Variants in BSND observed in about 807,000 individuals in gnomAD.
BSND encodes the protein barttin.
BSND carries 13 observed loss-of-function variants against 18.8 expected under a neutral mutation model. The observed-to-expected ratio is 0.69, with a 90% CI of 0.45 to 1.10. The LOEUF is 1.10. Among genes scored for constraint, BSND ranks in the 50% least tolerant of loss-of-function variants. The pLI is 0.00. For synonymous variants in BSND, 170 were observed against 161.8 expected (o/e 1.05, Z -0.39); for missense variants, 379 against 416.7 (o/e 0.91, Z 0.79).
At position 55,008,343 on chromosome 1, in the gene BSND, G is replaced by A; in HGVS notation, c.678G>A (p.Gln226=). The change falls in exon 4 of 4, where the codon CAG becomes CAA. Residue 226 remains glutamine (Q), a synonymous_variant. Coordinates refer to ENST00000651561, the MANE Select transcript of BSND (RefSeq NM_057176.3). Reference sequence around the variant, plus strand: ...GGGAGGAAGCTTGTTCCCCACAACAGGAACCTCAGGGCTGCAGGTGCCCGC... The same window carrying A: ...GGGAGGAAGCTTGTTCCCCACAACAAGAACCTCAGGGCTGCAGGTGCCCGC... ...HDREEACSPQ[Q]EPQGCRCPLD... 3.7e-6 allele frequency: 6 copies of A among 1,614,224 alleles called. No individual in the cohort carries two copies. Among genetic ancestry groups the A allele is most frequent in the Non-Finnish European group, 5.1e-6 (6 of 1,180,032 alleles).
At chr1:55,000,774 G>C (rs962644650) in intron 1 of BSND, among the ~76,000 whole-genome samples, 1 of 152,234 alleles carries the variant, frequency 6.6e-6, no homozygotes, top group Non-Finnish European at 1.5e-5. Flanking sequence ...AGGTCACTGG[G>C]AGAAGTCCTT....
At position 54,999,289 on chromosome 1, in the gene BSND, G is replaced by A. The variant is rs982775621; in HGVS notation, c.103G>A (p.Gly35Ser). The A allele has an allele frequency of 3.7e-6, 6 of 1,614,128 alleles. No homozygotes were observed. Among genetic ancestry groups the A allele is most frequent in the Admixed American group, 1.7e-5 (1 of 60,030 alleles). Residue 35 changes from glycine to serine, a missense_variant, in exon 1 of 4, where the codon GGC (glycine) becomes AGC (serine). By Grantham distance (56) the Gly-to-Ser change is moderately conservative. Coordinates refer to ENST00000651561, the MANE Select transcript of BSND (RefSeq NM_057176.3). ...GAGCCATGATCGGCCCCAGGTCTAC[G>A]GCACCTTCTATGCCATGGGCAGCGT... Reference protein sequence around the residue: ...LMSHDRPQVYGTFYAMGSVMV... With the variant: ...LMSHDRPQVYSTFYAMGSVMV...
Position 55,008,974 on chromosome 1 carries a change from G to C in BSND, c.*346G>C. 1 of 392,410 alleles carries C rather than the reference G, an allele frequency of 2.5e-6. No homozygotes were observed. Among genetic ancestry groups the C allele is most frequent in the Non-Finnish European group, 4.8e-6 (1 of 207,840 alleles). 24.3% of individuals were successfully genotyped at this position (392,410 alleles called of 1,614,324 possible). On this transcript the variant is annotated 3_prime_UTR_variant, in exon 4 of 4. Transcript: ENST00000651561. Reference sequence around the variant, plus strand: ...TCTGGGCCCCTGATCCTTTGTGAAGGCCAGTCAGGTTTCCCATTCCTATTG... The same window carrying C: ...TCTGGGCCCCTGATCCTTTGTGAAGCCCAGTCAGGTTTCCCATTCCTATTG...
intron 1 of BSND, 106 bp downstream of exon 1, chr1:54,999,469 ATTC>A: frequency 8.3e-7 from 1 of 1,210,764 alleles, no homozygotes; most frequent in Non-Finnish European, 1.1e-6. Context: ...TTGTCTTTTC[ATTC>A]TTCTCATTTT....
intron 1 of BSND, among the ~76,000 whole-genome samples, chr1:55,004,179 C>T (rs1644377395): frequency 6.6e-6 from 1 of 152,218 alleles, no homozygotes; most frequent in African/African-American, 2.4e-5. Context: ...ATCCTTAAGG[C>T]TGAATAGTAT....
intron 3 of BSND, among the ~76,000 whole-genome samples, 182 bp downstream of exon 3, chr1:55,007,454 G>T (rs375605563): frequency 2.0e-5 from 3 of 152,134 alleles, no homozygotes; most frequent in African/African-American, 7.2e-5. Context: ...TGGGAGTCAG[G>T]CCTCAGTTCA....
rs1312723025 is a variant in BSND at position 55,016,623 on chromosome 1, A to G, written c.*7995A>G. ...GTTGTTGTTTGTTTGTTGTTTTGAGACAAGGTCTTGCCGTATTGCTTAGGC... is the reference window on the plus strand; with the variant it reads ...GTTGTTGTTTGTTTGTTGTTTTGAGGCAAGGTCTTGCCGTATTGCTTAGGC... On this transcript the variant is annotated 3_prime_UTR_variant, in exon 4 of 4. Transcript: ENST00000651561. Among the ~76,000 whole-genome samples, 1 of 150,616 alleles carries G rather than the reference A, an allele frequency of 6.6e-6. No homozygotes were observed. The highest frequency in any genetic ancestry group is 1.5e-5 in the Non-Finnish European group (1 of 67,680).
rs1322754946 is a variant in BSND, at chr1:55,008,897, T to C, written c.*269T>C. On this transcript the variant is annotated 3_prime_UTR_variant, in exon 4 of 4. Coordinates refer to ENST00000651561, the MANE Select transcript of BSND (RefSeq NM_057176.3). ...AGCAGCTGAAGCCCTCAAAAGCATT[T>C]TCCACCTTCCCCCAAAGCTGACCTC... The C allele has an allele frequency of 3.7e-6, 2 of 533,764 alleles. No homozygotes were observed. Among genetic ancestry groups the C allele is most frequent in the African/African-American group, 3.8e-5 (2 of 52,472 alleles). The allele number at this position is 533,764 out of a possible 1,614,324, so 33.1% of individuals were successfully genotyped here.
At chr1:55,006,754 C>T (rs773304397) in intron 2 of BSND, among the ~76,000 whole-genome samples, 30 of 152,112 alleles carry the variant, frequency 2.0e-4, no homozygotes, top group Admixed American at 7.2e-4. Context: ...ACTTTGGAGG[C>T]ATCAGGTGAA....
chr1:55,014,230 C>G lies in BSND; in HGVS notation c.*5602C>G, dbSNP rs531523737. ...CCGAACCGGGTGCCCACTCTGAAGGCTCATGGCCCAGGGGCATGGACTCCT... is the reference window on the plus strand; with the variant it reads ...CCGAACCGGGTGCCCACTCTGAAGGGTCATGGCCCAGGGGCATGGACTCCT... On this transcript the variant is annotated 3_prime_UTR_variant, in exon 4 of 4. Coordinates refer to ENST00000651561, the MANE Select transcript of BSND (RefSeq NM_057176.3). Among the ~76,000 whole-genome samples the G allele has an allele frequency of 6.6e-5, 10 of 152,360 alleles. No individual in the cohort carries two copies. The South Asian group carries it at 2.1e-3, about 32-fold the overall frequency.
In BSND at chr1:55,007,141, G is replaced by A. The variant is rs776717215; in HGVS notation, c.417G>A (p.Pro139=). 34 of 1,614,212 alleles carry A rather than the reference G, an allele frequency of 2.1e-5. No individual in the cohort carries two copies. Among genetic ancestry groups the A allele is most frequent in the Admixed American group, 5.0e-5 (3 of 60,024 alleles). ...RSLLAPEMGQ[P]KLGTSDGGEG... Reference sequence around the variant, plus strand: ...TGCTGGCCCCTGAGATGGGGCAGCCGAAGCTGGGAACCAGTGATGGAGGAG... The same window carrying A: ...TGCTGGCCCCTGAGATGGGGCAGCCAAAGCTGGGAACCAGTGATGGAGGAG... Residue 139 remains proline, a synonymous_variant, in exon 3 of 4, where the codon CCG becomes CCA. Transcript: ENST00000651561.
In BSND at chr1:55,007,122, C is replaced by T. The variant is rs1240703902; in HGVS notation, c.398C>T (p.Ala133Val). ...SYSEDHRSLL[A>V]PEMGQPKLGT... The stretch of plus-strand genomic sequence containing the variant: ...AGTGAGGACCACCGCTCCTTGCTGG[C>T]CCCTGAGATGGGGCAGCCGAAGCTG... Residue 133 changes from alanine (A) to valine (V), a missense_variant, in exon 3 of 4, where the codon GCC (alanine) becomes GTC (valine). Physicochemically the swap from Ala to Val is moderately conservative, Grantham distance 64. Coordinates refer to ENST00000651561, the MANE Select transcript of BSND (RefSeq NM_057176.3). 1.2e-6 allele frequency: 2 copies of T among 1,614,078 alleles called. No homozygotes were observed. The highest frequency in any genetic ancestry group is 1.3e-5 in the African/African-American group (1 of 74,922).
Position 54,999,067 on chromosome 1 carries a change from C to A in BSND, c.-120C>A. On this transcript the variant is annotated 5_prime_UTR_variant, in exon 1 of 4. Transcript: ENST00000651561. ...AAAGGGATCTTGCTCTCCCTTGAAG[C>A]CTTGAGTTGCAGCGATTTCAGTGTC... 1 of 1,256,604 alleles carries A rather than the reference C, an allele frequency of 8.0e-7. No homozygotes were observed. Among genetic ancestry groups the A allele is most frequent in the South Asian group, 1.3e-5 (1 of 78,114 alleles). The allele number at this position is 1,256,604 out of a possible 1,614,324, so 77.8% of individuals were successfully genotyped here.
At chr1:55,004,446 T>G (rs1413652993) in intron 1 of BSND, among the ~76,000 whole-genome samples, 1 of 152,166 alleles carries the variant, frequency 6.6e-6, no homozygotes. Flanking sequence ...ACAGCTCCTC[T>G]CCCTCACCCA....
intron 1 of BSND, among the ~76,000 whole-genome samples, chr1:55,001,650 G>T (rs1369203766): frequency 6.6e-6 from 1 of 152,150 alleles, no homozygotes; most frequent in African/African-American, 2.4e-5. Flanking sequence ...GGGGTGAGGG[G>T]TAGCCAATAC....
intron 1 of BSND, among the ~76,000 whole-genome samples, chr1:55,004,493 C>A (rs935711649): frequency 6.6e-6 from 1 of 152,242 alleles, no homozygotes; most frequent in Non-Finnish European, 1.5e-5. Context: ...CTGCACCACG[C>A]AGTGCCCACC....
chr1:54,999,097 C>A lies in BSND; in HGVS notation c.-90C>A. 1 of 1,511,998 alleles carries A rather than the reference C, an allele frequency of 6.6e-7. No homozygotes were observed. The highest frequency in any genetic ancestry group is 9.1e-7 in the Non-Finnish European group (1 of 1,099,294). 93.7% of individuals were successfully genotyped at this position (1,511,998 alleles called of 1,614,324 possible). ...AGTTGCAGCGATTTCAGTGTCTTCT[C>A]TCCCTGTGTAAGCCTGTCTCGGTGT... On this transcript the variant is annotated 5_prime_UTR_variant, in exon 1 of 4. Coordinates refer to ENST00000651561, the MANE Select transcript of BSND (RefSeq NM_057176.3).
chr1:54,999,469 A>G, intron 1 of BSND, 106 bp downstream of exon 1: 3 of 1,210,764 alleles, frequency 2.5e-6, no homozygotes, highest in Non-Finnish European at 3.4e-6. Flanking sequence ...TTGTCTTTTC[A>G]TTCTTCTCAT....
chr1:55,008,476 C>A lies in BSND; in HGVS notation c.811C>A (p.Pro271Thr). 4 of 1,614,122 alleles carry A rather than the reference C, an allele frequency of 2.5e-6. No individual in the cohort carries two copies. Among genetic ancestry groups the A allele is most frequent in the South Asian group, 1.1e-5 (1 of 91,074 alleles). Reference protein sequence around the residue: ...IALPNNWQRYPRTKVEEKEAS... With the variant: ...IALPNNWQRYTRTKVEEKEAS... ...CCTGCCCAACAACTGGCAGCGGTAC[C>A]CAAGGACAAAGGTGGAGGAGAAGGA... Residue 271 changes from proline to threonine, a missense_variant, in exon 4 of 4, where the codon CCA becomes ACA. Pro to Thr is a conservative substitution (Grantham distance 38). Transcript: ENST00000651561.
Sources: gnomAD v4.1 joint callset for allele counts (sites outside exome capture counted in the v4.1 genomes callset) on GRCh38, gnomAD v4.1.1 for gene constraint, MANE v1.5 for transcripts, NCBI Gene and HGNC (gene_info 2026-07-23, HGNC 2026-07-21) for gene names.